LARGE1: variants seen among roughly 807,000 people sequenced by gnomAD.
The protein encoded by LARGE1 is LARGE xylosyl- and glucuronyltransferase 1.
In LARGE1, 43 loss-of-function variants were observed where a neutral mutation model predicts 87.6. The ratio of observed to expected loss-of-function variants is 0.49; its 90% confidence interval spans 0.38 to 0.63. The LOEUF is 0.63. LARGE1 is among the 30% of genes least tolerant of loss of function. The probability of loss-of-function intolerance (pLI) is 0.00; values close to 1 mark genes in which losing one functional copy is unlikely to be tolerated. For synonymous variants in LARGE1, 434 were observed against 394.6 expected (o/e 1.10, Z -1.18); for missense variants, 802 against 1,000.2 (o/e 0.80, Z 2.67).
chr22:33,389,746 G>A (rs1393221856), intron 7 of LARGE1, among the ~76,000 whole-genome samples: 1 of 152,158 alleles, frequency 6.6e-6, no homozygotes, highest in African/African-American at 2.4e-5. Context: ...TTGGGAGGCT[G>A]AGGCAGGAGA....
At chr22:33,572,306 T>G in intron 5 of LARGE1, 1 of 702,420 alleles carries the variant, frequency 1.4e-6, no homozygotes, top group Non-Finnish European at 2.0e-6. Flanking sequence ...AGAGTATAAT[T>G]GTTAAGAAAC....
intron 10 of LARGE1, among the ~76,000 whole-genome samples, chr22:33,319,753 T>TA (rs1368013551): frequency 6.6e-6 from 1 of 151,920 alleles, no homozygotes; most frequent in Non-Finnish European, 1.5e-5. Context: ...TAGATACTGA[T>TA]AGAGTGCTAT....
intron 2 of LARGE1, among the ~76,000 whole-genome samples, chr22:33,663,302 C>T (rs531956690): frequency 2.0e-4 from 31 of 152,264 alleles, no homozygotes; most frequent in African/African-American, 7.2e-4. Context: ...GGTCAAAACC[C>T]GCCATCTCTA....
intron 3 of LARGE1, among the ~76,000 whole-genome samples, chr22:33,648,205 G>A (rs114393815): frequency 1.3e-3 from 199 of 152,224 alleles, no homozygotes; most frequent in African/African-American, 4.7e-3. Flanking sequence ...ATGGTCTTTG[G>A]TCTACACAAT....
chr22:33,628,653 A>G (rs1172484476), intron 3 of LARGE1, among the ~76,000 whole-genome samples: 1 of 152,156 alleles, frequency 6.6e-6, no homozygotes, highest in Non-Finnish European at 1.5e-5. Flanking sequence ...CATCAGAAAC[A>G]GATTTTTAAG....
chr22:33,432,501 C>G (rs1490314997), intron 6 of LARGE1, among the ~76,000 whole-genome samples: 1 of 152,160 alleles, frequency 6.6e-6, no homozygotes, highest in African/African-American at 2.4e-5. Flanking sequence ...AATAGAGGCC[C>G]AGAACAGTTA....
chr22:33,183,820 G>C (rs1923323236), intron 11 of LARGE1, among the ~76,000 whole-genome samples: 1 of 152,090 alleles, frequency 6.6e-6, no homozygotes, highest in South Asian at 2.1e-4. Context: ...GACAGAAGCA[G>C]AGAGTAGAAC....
intron 2 of LARGE1, among the ~76,000 whole-genome samples, chr22:33,734,833 T>C (rs1305216751): frequency 2.0e-5 from 3 of 152,108 alleles, no homozygotes; most frequent in South Asian, 2.1e-4. Flanking sequence ...TTCAGAGACA[T>C]AGGCAAAAGG....
chr22:33,858,574 G>A (rs2157114), intron 1 of LARGE1, among the ~76,000 whole-genome samples: 54,530 of 151,762 alleles, frequency 0.36, 9,933 homozygotes, highest in South Asian at 0.49. Flanking sequence ...CTGATTGGTC[G>A]GGTGTGAGCT....
At chr22:33,537,754 G>A (rs966404546) in intron 6 of LARGE1, among the ~76,000 whole-genome samples, 2 of 151,980 alleles carry the variant, frequency 1.3e-5, no homozygotes, top group Non-Finnish European at 2.9e-5. Flanking sequence ...GGATTTTTTA[G>A]TAGAGACAGG....
the LARGE1 span, among the ~76,000 whole-genome samples, chr22:33,124,426 A>G: frequency 3.2e-4 from 48 of 150,882 alleles, no homozygotes; most frequent in African/African-American, 1.2e-3. Context: ...CCTTTGGTTG[A>G]TGTTACACCT....
At chr22:33,881,008 C>A (rs1356806683) in intron 1 of LARGE1, among the ~76,000 whole-genome samples, 2 of 151,986 alleles carry the variant, frequency 1.3e-5, no homozygotes, top group African/African-American at 2.4e-5. Context: ...TTCTTACAAA[C>A]TGTCCTCCTC....
At chr22:33,415,425 C>T (rs560030573) in intron 7 of LARGE1, among the ~76,000 whole-genome samples, 1 of 152,154 alleles carries the variant, frequency 6.6e-6, no homozygotes, top group African/African-American at 2.4e-5. Context: ...ATCCTGGAAG[C>T]CTTACATTGC....
chr22:33,490,427 T>C (rs2069783363), intron 6 of LARGE1, among the ~76,000 whole-genome samples: 1 of 151,926 alleles, frequency 6.6e-6, no homozygotes, highest in Non-Finnish European at 1.5e-5. Flanking sequence ...AATGAAATAG[T>C]GCATGTAAAG....
At chr22:33,898,403 C>T (rs1337501822) in intron 1 of LARGE1, among the ~76,000 whole-genome samples, 3 of 152,202 alleles carry the variant, frequency 2.0e-5, no homozygotes, top group Non-Finnish European at 4.4e-5. Flanking sequence ...AAGCACTTTA[C>T]ACCACGTAAC....
chr22:33,203,015 A>G (rs1568972075), intron 11 of LARGE1, among the ~76,000 whole-genome samples: 3 of 152,150 alleles, frequency 2.0e-5, no homozygotes, highest in Non-Finnish European at 4.4e-5. Flanking sequence ...TTTAAAAAAC[A>G]TATCTCTGAA....
At chr22:33,470,806 G>A (rs569790647) in intron 6 of LARGE1, among the ~76,000 whole-genome samples, 16 of 152,280 alleles carry the variant, frequency 1.1e-4, no homozygotes, top group African/African-American at 3.6e-4. Context: ...CCTCCTCTGA[G>A]TAAAAGGCAG....
chr22:33,231,194 C>T (rs1022063158), intron 11 of LARGE1, among the ~76,000 whole-genome samples: 1 of 152,196 alleles, frequency 6.6e-6, no homozygotes, highest in Non-Finnish European at 1.5e-5. Context: ...CAAGACTGTA[C>T]ATTAAAAAGT....
At chr22:33,490,360 C>A (rs1569208515) in intron 6 of LARGE1, among the ~76,000 whole-genome samples, 1 of 152,180 alleles carries the variant, frequency 6.6e-6, no homozygotes, top group Non-Finnish European at 1.5e-5. Context: ...TTTCTTTCCA[C>A]CTCATTCGTC....
Sources: gnomAD v4.1 joint callset for allele counts (sites outside exome capture counted in the v4.1 genomes callset) on GRCh38, gnomAD v4.1.1 for gene constraint, MANE v1.5 for transcripts, NCBI Gene and HGNC (gene_info 2026-07-23, HGNC 2026-07-21) for gene names.